Variants in GRIA3 observed in about 807,000 individuals in gnomAD.
The protein encoded by GRIA3 is glutamate receptor 3.
A neutral mutation model predicts 63.0 loss-of-function variants in GRIA3; 3 were observed. The ratio of observed to expected loss-of-function variants is 0.05; its 90% CI spans 0.02 to 0.12. The LOEUF (loss-of-function observed/expected upper bound fraction) is 0.12, where lower values mean the gene tolerates loss of function less well. Among genes scored for constraint, GRIA3 ranks in the 10% least tolerant of loss-of-function variants. The pLI, the probability that GRIA3 is intolerant of heterozygous loss-of-function variation, is 1.00. For synonymous variants in GRIA3, 274 were observed against 257.9 expected (o/e 1.06, Z -0.60); for missense variants, 347 against 700.9 (o/e 0.50, Z 5.70).
intron 2 of GRIA3, among the ~76,000 whole-genome samples, chrX:123,245,232 C>T (rs1202000128): frequency 1.1e-4 from 12 of 111,928 alleles, no homozygotes; most frequent in African/African-American, 3.6e-4. Context: ...ACAGGGACAA[C>T]GGGAGCAGAC....
intron 3 of GRIA3, among the ~76,000 whole-genome samples, chrX:123,318,693 T>C (rs906003319): frequency 1.8e-5 from 2 of 111,973 alleles, no homozygotes; most frequent in African/African-American, 6.5e-5. Flanking sequence ...ATTCGACAAG[T>C]CTCTAGGAGG....
chrX:123,368,706 A>G (rs1289457048), intron 5 of GRIA3, among the ~76,000 whole-genome samples: 1 of 110,341 alleles, frequency 9.1e-6, no homozygotes, highest in Admixed American at 9.7e-5. Flanking sequence ...GCAATTTTAC[A>G]AAAGTTTCAG....
At chrX:123,476,001 C>T (rs1229766258) in intron 13 of GRIA3, among the ~76,000 whole-genome samples, 1 of 111,348 alleles carries the variant, frequency 9.0e-6, no homozygotes, top group Admixed American at 9.6e-5. Context: ...TAAATAGACA[C>T]CATAAATCTA....
intron 12 of GRIA3, among the ~76,000 whole-genome samples, chrX:123,449,153 T>C (rs766006071): frequency 8.9e-6 from 1 of 112,107 alleles, no homozygotes; most frequent in South Asian, 3.8e-4. Context: ...GACAGGCCCC[T>C]TCCAGAGCAT....
intron 2 of GRIA3, among the ~76,000 whole-genome samples, chrX:123,221,108 G>GCA (rs938871256): frequency 3.6e-5 from 4 of 112,261 alleles, no homozygotes; most frequent in Non-Finnish European, 7.5e-5. Flanking sequence ...TAACAAGCTT[G>GCA]CACACACACA....
intron 3 of GRIA3, 135 bp downstream of exon 3, chrX:123,253,677 T>C: frequency 1.8e-6 from 1 of 564,766 alleles, no homozygotes. Context: ...TCCAAATAAA[T>C]CAAAGGTTAA....
intron 3 of GRIA3, among the ~76,000 whole-genome samples, chrX:123,267,906 G>A (rs1392290416): frequency 9.0e-6 from 1 of 111,276 alleles, no homozygotes; most frequent in Non-Finnish European, 1.9e-5. Flanking sequence ...TGAGGGACTA[G>A]CAGAAGTAAG....
chrX:123,196,370 C>T (rs1025122956), intron 2 of GRIA3, among the ~76,000 whole-genome samples: 2 of 112,305 alleles, frequency 1.8e-5, no homozygotes, highest in South Asian at 3.7e-4. Flanking sequence ...TCCCCATTAA[C>T]ATCACTACCA....
intron 3 of GRIA3, among the ~76,000 whole-genome samples, chrX:123,297,320 T>C (rs1409133969): frequency 8.9e-6 from 1 of 112,019 alleles, no homozygotes; most frequent in Non-Finnish European, 1.9e-5. Flanking sequence ...ATGGGTTTAT[T>C]AGGCACTAGA....
At chrX:123,469,653 A>G (rs1221073135) in intron 13 of GRIA3, among the ~76,000 whole-genome samples, 3 of 112,326 alleles carry the variant, frequency 2.7e-5, no homozygotes, top group African/African-American at 9.7e-5. Context: ...TTTTGTGTTC[A>G]TGCTTTATTA....
chrX:123,230,205 C>A (rs191389468), intron 2 of GRIA3, among the ~76,000 whole-genome samples: 141 of 111,806 alleles, frequency 1.3e-3, no homozygotes, highest in African/African-American at 4.4e-3. Context: ...GAGGCCAATG[C>A]TCCCATGTTG....
intron 12 of GRIA3, among the ~76,000 whole-genome samples, chrX:123,452,085 C>T (rs1412426444): frequency 2.7e-5 from 3 of 111,739 alleles, no homozygotes; most frequent in Non-Finnish European, 3.8e-5. Context: ...TAAATGGTAG[C>T]CCTCTCATTG....
chrX:123,462,595 C>T (rs1307388876), intron 12 of GRIA3, among the ~76,000 whole-genome samples: 1 of 111,503 alleles, frequency 9.0e-6, no homozygotes, highest in Non-Finnish European at 1.9e-5. Flanking sequence ...CAGCACTTTG[C>T]CAGGTGAAGG....
chrX:123,378,930 T>C (rs1331223310), intron 5 of GRIA3, among the ~76,000 whole-genome samples: 1 of 111,313 alleles, frequency 9.0e-6, no homozygotes, highest in Non-Finnish European at 1.9e-5. Context: ...TTTTAATTTG[T>C]ATAAATGTAT....
chrX:123,383,878 G>C (rs2045338872), intron 5 of GRIA3, among the ~76,000 whole-genome samples: 1 of 110,187 alleles, frequency 9.1e-6, no homozygotes, highest in Non-Finnish European at 1.9e-5. Flanking sequence ...CCCTCCAATA[G>C]GCCCCAGTGT....
At chrX:123,247,515 G>GA (rs1371840699) in intron 2 of GRIA3, among the ~76,000 whole-genome samples, 2 of 110,931 alleles carry the variant, frequency 1.8e-5, no homozygotes, top group African/African-American at 3.3e-5. Flanking sequence ...TCTTCAATGA[G>GA]AAAAAAAATT....
At chrX:123,340,866 T>C (rs185729953) in intron 4 of GRIA3, among the ~76,000 whole-genome samples, 1 of 112,038 alleles carries the variant, frequency 8.9e-6, no homozygotes, top group East Asian at 2.8e-4. Context: ...AGCTGTGTTC[T>C]CTGCTGCTCC....
chrX:123,298,900 A>AT (rs1422822772), intron 3 of GRIA3, among the ~76,000 whole-genome samples: 1 of 110,185 alleles, frequency 9.1e-6, no homozygotes, highest in African/African-American at 3.3e-5. Context: ...TCTTGAGTTA[A>AT]TTTTTTTTAT....
chrX:123,241,386 C>T (rs1479984940), intron 2 of GRIA3, among the ~76,000 whole-genome samples: 1 of 111,717 alleles, frequency 9.0e-6, no homozygotes, highest in African/African-American at 3.3e-5. Context: ...TCTTAATATA[C>T]CTGGGATATA....
Sources: allele counts gnomAD v4.1 joint callset (sites outside exome capture counted in the v4.1 genomes callset), GRCh38; gene constraint gnomAD v4.1.1; transcripts MANE v1.5; gene names NCBI Gene and HGNC (gene_info 2026-07-23, HGNC 2026-07-21).